Variants in FSTL5 observed in about 807,000 individuals in gnomAD.
FSTL5 encodes the protein follistatin like 5.
Under a neutral mutation model 89.1 loss-of-function variants are expected in FSTL5, and 62 were observed. That is an observed-to-expected ratio of 0.70 (90% CI 0.57 to 0.86). FSTL5 has a LOEUF of 0.86. Among genes scored for constraint, FSTL5 ranks in the 40% least tolerant of loss-of-function variants. The pLI, the probability that FSTL5 is intolerant of heterozygous loss-of-function variation, is 0.00. For synonymous variants in FSTL5, 383 were observed against 346.2 expected, an observed-to-expected ratio of 1.11 and a Z score of -1.18; for missense variants, 1,057 against 1,001.6, an observed-to-expected ratio of 1.06 and a Z score of -0.75.
chr4:162,010,020 C>T (rs144140390), intron 3 of FSTL5, among the ~76,000 whole-genome samples: 1 of 148,788 alleles, frequency 6.7e-6, no homozygotes, highest in Admixed American at 6.7e-5. Flanking sequence ...ACAGAATTTC[C>T]TTATCCCCTT....
At chr4:161,898,228 T>G (rs1733233184) in intron 4 of FSTL5, among the ~76,000 whole-genome samples, 1 of 151,202 alleles carries the variant, frequency 6.6e-6, no homozygotes, top group Non-Finnish European at 1.5e-5. Flanking sequence ...TATATTTTAT[T>G]TTAACATTCA....
At position 161,778,092 on chromosome 4, in the gene FSTL5, TCACACACACACACACA is replaced by T. The variant is rs71598736; in HGVS notation, c.410-2034_410-2019del. On this transcript the variant is annotated intron_variant, in intron 4 of 15. Coordinates refer to ENST00000306100, the MANE Select transcript of FSTL5 (RefSeq NM_020116.5). ...CTGAATGACAGGGTGAGACTCCGTA[TCACACACACACACACA>T]CACACACACACACACAAAAGGAAGA... 1.5e-4 allele frequency among the ~76,000 whole-genome samples: 22 copies of T among 148,348 alleles called. No homozygotes were observed. In the East Asian group the frequency reaches 4.2e-3, roughly 28 times the overall value.
At chr4:161,797,280 T>C (rs929535431) in intron 4 of FSTL5, among the ~76,000 whole-genome samples, 1 of 151,586 alleles carries the variant, frequency 6.6e-6, no homozygotes, top group Non-Finnish European at 1.5e-5. Flanking sequence ...TGTTCTGCTA[T>C]CTATTCAGCA....
intron 1 of FSTL5, among the ~76,000 whole-genome samples, chr4:162,127,997 A>G (rs775416140): frequency 3.3e-5 from 5 of 152,198 alleles, no homozygotes; most frequent in Non-Finnish European, 7.3e-5. Flanking sequence ...TTCAAAAACT[A>G]TGGTCCAAAT....
intron 15 of FSTL5, among the ~76,000 whole-genome samples, chr4:161,432,453 A>G (rs560044046): frequency 1.3e-5 from 2 of 152,044 alleles, no homozygotes; most frequent in Non-Finnish European, 2.9e-5. Flanking sequence ...TGTGAACCGT[A>G]CTAAGAGGGA....
At chr4:161,819,548 T>C (rs1730428216) in intron 4 of FSTL5, among the ~76,000 whole-genome samples, 2 of 152,070 alleles carry the variant, frequency 1.3e-5, no homozygotes. Flanking sequence ...CATTTTGAAA[T>C]AGACATAGAG....
At chr4:161,984,492 A>G (rs1294489085) in intron 3 of FSTL5, among the ~76,000 whole-genome samples, 7 of 152,254 alleles carry the variant, frequency 4.6e-5, no homozygotes, top group African/African-American at 1.7e-4. Flanking sequence ...GGTATAAAAA[A>G]TGTATTAGAA....
intron 4 of FSTL5, among the ~76,000 whole-genome samples, chr4:161,877,579 C>A (rs897079897): frequency 1.3e-5 from 2 of 151,352 alleles, no homozygotes; most frequent in Non-Finnish European, 2.9e-5. Flanking sequence ...GTAATCCCAG[C>A]ACTTTGGGAG....
chr4:161,628,212 C>G (rs1735378166), intron 7 of FSTL5, among the ~76,000 whole-genome samples: 6 of 152,068 alleles, frequency 3.9e-5, no homozygotes, highest in Admixed American at 3.9e-4. Context: ...GATAGGCACT[C>G]AAAAATGTTA....
At chr4:161,523,324 T>C (rs1423056676) in intron 10 of FSTL5, among the ~76,000 whole-genome samples, 1 of 152,130 alleles carries the variant, frequency 6.6e-6, no homozygotes, top group East Asian at 1.9e-4. Flanking sequence ...CAGTCTTATG[T>C]ATATATAGGC....
At chr4:162,064,146 A>G (rs1364752613) in intron 2 of FSTL5, among the ~76,000 whole-genome samples, 1 of 151,948 alleles carries the variant, frequency 6.6e-6, no homozygotes, top group Non-Finnish European at 1.5e-5. Context: ...AGTTTCTACT[A>G]TGCTTGTATG....
At chr4:161,450,683 T>G (rs374777881) in intron 15 of FSTL5, among the ~76,000 whole-genome samples, 3 of 152,260 alleles carry the variant, frequency 2.0e-5, no homozygotes, top group African/African-American at 7.2e-5. Flanking sequence ...AGGTAATGTA[T>G]TATCATTTCA....
At chr4:161,594,399 A>G in intron 7 of FSTL5, among the ~76,000 whole-genome samples, 1 of 152,124 alleles carries the variant, frequency 6.6e-6, no homozygotes, top group East Asian at 1.9e-4. Flanking sequence ...ACTTTTCCAT[A>G]CGTTCTATGT....
intron 3 of FSTL5, among the ~76,000 whole-genome samples, chr4:162,031,703 C>T (rs1409689995): frequency 1.3e-5 from 2 of 151,904 alleles, no homozygotes; most frequent in Non-Finnish European, 2.9e-5. Flanking sequence ...TTTAGGAGGC[C>T]GAGGAGGGAG....
intron 15 of FSTL5, among the ~76,000 whole-genome samples, chr4:161,451,614 C>A (rs1733166786): frequency 1.3e-5 from 2 of 152,190 alleles, no homozygotes; most frequent in Admixed American, 6.5e-5. Context: ...TCACCAGAGT[C>A]AATGGTGAAT....
At chr4:161,760,787 A>C (rs1193845219) in intron 5 of FSTL5, among the ~76,000 whole-genome samples, 1 of 152,196 alleles carries the variant, frequency 6.6e-6, no homozygotes, top group Non-Finnish European at 1.5e-5. Flanking sequence ...GACTTTCTTT[A>C]GTACAGCAAA....
intron 10 of FSTL5, among the ~76,000 whole-genome samples, chr4:161,524,887 G>A (rs996961988): frequency 2.0e-5 from 3 of 151,918 alleles, no homozygotes; most frequent in Non-Finnish European, 4.4e-5. Flanking sequence ...GAACCTGGGA[G>A]GGGGAGGTTG....
intron 6 of FSTL5, among the ~76,000 whole-genome samples, chr4:161,690,914 G>A (rs1737920217): frequency 6.6e-6 from 1 of 152,004 alleles, no homozygotes; most frequent in Admixed American, 6.6e-5. Flanking sequence ...TTGGTTTTCT[G>A]TTCCTGCATC....
intron 3 of FSTL5, among the ~76,000 whole-genome samples, chr4:161,960,923 G>A (rs996325501): frequency 8.6e-5 from 13 of 151,936 alleles, no homozygotes; most frequent in African/African-American, 3.1e-4. Context: ...GAAATGCAAT[G>A]AGTTCCTTTG....
Sources: gnomAD v4.1 joint callset for allele counts (sites outside exome capture counted in the v4.1 genomes callset) on GRCh38, gnomAD v4.1.1 for gene constraint, MANE v1.5 for transcripts, NCBI Gene and HGNC (gene_info 2026-07-23, HGNC 2026-07-21) for gene names.